The following ELMO1 variants were observed in gnomAD, a reference collection of about 807,000 sequenced individuals.
ELMO1 encodes the protein engulfment and cell motility 1, also known as engulfment and cell motility protein 1.
Under a neutral mutation model 98.9 loss-of-function variants are expected in ELMO1, and 26 were observed. That is an observed-to-expected ratio of 0.26 (90% confidence interval 0.19 to 0.36). ELMO1 has a LOEUF of 0.36. Among genes scored for constraint, ELMO1 ranks in the 10% least tolerant of loss-of-function variants. The pLI is 1.00. For missense variants in ELMO1, 627 were observed against 935.2 expected, an observed-to-expected ratio of 0.67 and a Z score of 4.30; for synonymous variants, 346 against 346.0, an observed-to-expected ratio of 1.00 and a Z score of 0.00.
chr7:37,027,695 C>T (rs1450234217), intron 15 of ELMO1, among the ~76,000 whole-genome samples: 1 of 152,134 alleles, frequency 6.6e-6, no homozygotes, highest in African/African-American at 2.4e-5. Flanking sequence ...GCTACCCAAG[C>T]TCGTGTGGGA....
intron 15 of ELMO1, among the ~76,000 whole-genome samples, chr7:37,017,393 G>C (rs186133076): frequency 1.3e-5 from 2 of 152,312 alleles, no homozygotes; most frequent in African/African-American, 4.8e-5. Flanking sequence ...CATGTTAATA[G>C]AACCTGAGTT....
intron 16 of ELMO1, among the ~76,000 whole-genome samples, chr7:36,997,461 G>A (rs1371200100): frequency 6.6e-6 from 1 of 152,100 alleles, no homozygotes; most frequent in Non-Finnish European, 1.5e-5. Flanking sequence ...CTCATAGAGT[G>A]GTGAATCAGT....
At chr7:37,143,417 AT>A (rs886462660) in intron 13 of ELMO1, among the ~76,000 whole-genome samples, 2 of 151,842 alleles carry the variant, frequency 1.3e-5, no homozygotes, top group Non-Finnish European at 2.9e-5. Context: ...TTATTTATTT[AT>A]TTTTTTGCGA....
chr7:37,138,855 G>A (rs1424774393), intron 13 of ELMO1, among the ~76,000 whole-genome samples: 12 of 152,208 alleles, frequency 7.9e-5, no homozygotes, highest in South Asian at 4.2e-4. Context: ...ATCCAACAGC[G>A]TATCAAAAAG....
At chr7:37,440,542 G>T (rs966947319) in intron 1 of ELMO1, among the ~76,000 whole-genome samples, 1 of 151,754 alleles carries the variant, frequency 6.6e-6, no homozygotes, top group Non-Finnish European at 1.5e-5. Context: ...AGGCTGAGGC[G>T]GGTGGATCAC....
chr7:37,243,334 C>G (rs1182713245), intron 7 of ELMO1, among the ~76,000 whole-genome samples: 1 of 152,002 alleles, frequency 6.6e-6, no homozygotes, highest in Non-Finnish European at 1.5e-5. Flanking sequence ...ACTTCTGCAC[C>G]AAGGAAATAC....
chr7:37,218,556 G>C (rs1431492955), intron 10 of ELMO1, among the ~76,000 whole-genome samples: 2 of 152,230 alleles, frequency 1.3e-5, no homozygotes, highest in African/African-American at 4.8e-5. Flanking sequence ...TGGAGTAAAT[G>C]TGAGAATCCA....
At chr7:37,110,881 G>T (rs1156572088) in intron 14 of ELMO1, among the ~76,000 whole-genome samples, 1 of 152,172 alleles carries the variant, frequency 6.6e-6, no homozygotes, top group Non-Finnish European at 1.5e-5. Context: ...TGCATGGCTG[G>T]GTATGGTGGT....
intron 1 of ELMO1, among the ~76,000 whole-genome samples, chr7:37,435,456 T>C (rs1336939757): frequency 6.6e-6 from 1 of 152,226 alleles, no homozygotes; most frequent in Non-Finnish European, 1.5e-5. Context: ...CTAATACAAC[T>C]TCTGGATTTC....
chr7:37,318,168 G>C (rs1430315357), intron 2 of ELMO1, among the ~76,000 whole-genome samples: 1 of 152,138 alleles, frequency 6.6e-6, no homozygotes, highest in Non-Finnish European at 1.5e-5. Context: ...TATGGCTCTT[G>C]CTGTGAGCTG....
intron 13 of ELMO1, among the ~76,000 whole-genome samples, chr7:37,196,637 G>T (rs1791978183): frequency 6.6e-6 from 1 of 152,162 alleles, no homozygotes; most frequent in South Asian, 2.1e-4. Flanking sequence ...ACTAAGATCT[G>T]CTACTTTCAT....
At chr7:37,210,686 C>T (rs560583071) in intron 13 of ELMO1, among the ~76,000 whole-genome samples, 104 of 151,908 alleles carry the variant, frequency 6.8e-4, no homozygotes, top group African/African-American at 2.4e-3. Flanking sequence ...GATTTCTAAT[C>T]ACCGAAGCCA....
At chr7:37,063,875 C>A (rs1054444096) in intron 15 of ELMO1, among the ~76,000 whole-genome samples, 1 of 152,146 alleles carries the variant, frequency 6.6e-6, no homozygotes, top group African/African-American at 2.4e-5. Context: ...GGGGCAAAAC[C>A]GCAAGTTCAA....
At chr7:36,894,224 T>C (rs1427028354) in intron 17 of ELMO1, among the ~76,000 whole-genome samples, 1 of 152,100 alleles carries the variant, frequency 6.6e-6, no homozygotes, top group Non-Finnish European at 1.5e-5. Context: ...ACTTCAAAGA[T>C]TGGAATACAT....
intron 4 of ELMO1, among the ~76,000 whole-genome samples, chr7:37,289,602 A>C (rs1253437260): frequency 1.3e-5 from 2 of 152,200 alleles, no homozygotes; most frequent in Non-Finnish European, 2.9e-5. Context: ...CTCCAGCCCT[A>C]AGAGGAAGGG....
At position 36,893,335 on chromosome 7, in the gene ELMO1, T is replaced by C. The variant is rs114260215; in HGVS notation, c.1601+1519A>G. Among the ~76,000 whole-genome samples, 431 of 152,316 alleles carry C rather than the reference T, an allele frequency of 2.8e-3. 5 individuals are homozygous for C. Among genetic ancestry groups the C allele is most frequent in the African/African-American group, 9.7e-3 (404 of 41,558 alleles). On this transcript the variant is annotated intron_variant, in intron 17 of 21. Coordinates refer to ENST00000310758, the MANE Select transcript of ELMO1 (RefSeq NM_014800.11). ...CCAGTCACTTATCCAAAGTGCATCC[T>C]GCTTGGTGTTTCTAGCTGTTACCGT...
chr7:37,415,082 G>A (rs10282491), intron 1 of ELMO1, among the ~76,000 whole-genome samples: 25,435 of 152,070 alleles, frequency 0.17, 2,283 homozygotes, highest in South Asian at 0.26. Context: ...TTGGGGCCTT[G>A]GTACTCATCT....
At chr7:37,408,579 T>A (rs1803871461) in intron 1 of ELMO1, among the ~76,000 whole-genome samples, 1 of 152,178 alleles carries the variant, frequency 6.6e-6, no homozygotes, top group Non-Finnish European at 1.5e-5. Context: ...TTATTCAGCC[T>A]AAAGCAGAAG....
Position 37,267,646 on chromosome 7 carries a change from A to C in ELMO1, c.243+4186T>G, listed in dbSNP as rs1225533704. Among the ~76,000 whole-genome samples the C allele has an allele frequency of 2.0e-5, 3 of 152,222 alleles. No homozygotes were observed. The East Asian group carries it at 5.8e-4, about 29-fold the overall frequency. ...CCTGACCCCACAGCATCTTTTCCTCACACTTAGATTATCTAGGACTGTAGA... is the reference window on the plus strand; with the variant it reads ...CCTGACCCCACAGCATCTTTTCCTCCCACTTAGATTATCTAGGACTGTAGA... On this transcript the variant is annotated intron_variant, in intron 5 of 21. Transcript: ENST00000310758.
Sources: gnomAD v4.1 joint callset for allele counts (sites outside exome capture counted in the v4.1 genomes callset) on GRCh38, gnomAD v4.1.1 for gene constraint, MANE v1.5 for transcripts, NCBI Gene and HGNC (gene_info 2026-07-23, HGNC 2026-07-21) for gene names.